The following EPHA6 variants were observed in gnomAD, a reference collection of about 807,000 sequenced individuals.
EPHA6 encodes the protein ephrin type-A receptor 6.
In EPHA6, 50 loss-of-function variants were observed where a neutral mutation model predicts 112.0. That is an observed-to-expected ratio of 0.45 (90% confidence interval 0.36 to 0.56). The LOEUF (loss-of-function observed/expected upper bound fraction) is 0.56, where lower values mean the gene tolerates loss of function less well. EPHA6 is among the 20% of genes least tolerant of loss of function. The pLI is 0.00. For missense variants in EPHA6, 1,280 were observed against 1,417.4 expected (o/e 0.90, Z 1.56); for synonymous variants, 529 against 490.7 (o/e 1.08, Z -1.03).
intron 2 of EPHA6, among the ~76,000 whole-genome samples, chr3:96,938,295 T>C (rs534781447): frequency 1.3e-5 from 2 of 152,260 alleles, no homozygotes; most frequent in Admixed American, 1.3e-4. Flanking sequence ...GAGCAGTGGT[T>C]TCTAGTTCTC....
intron 3 of EPHA6, among the ~76,000 whole-genome samples, chr3:97,189,466 T>C (rs2077244103): frequency 6.6e-6 from 1 of 152,086 alleles, no homozygotes; most frequent in African/African-American, 2.4e-5. Flanking sequence ...TGTATTTTTT[T>C]GTCATTTTCT....
Position 97,043,954 on chromosome 3 carries a change from A to G in EPHA6, c.1114+55961A>G, listed in dbSNP as rs148600058. ...GGAAATCCCAAATATATGCAGAACT[A>G]AAATGTTTAGCAGGGCACTCATGGT... is the stretch of plus-strand genomic sequence containing the variant. On this transcript the variant is annotated intron_variant, in intron 3 of 17. Coordinates refer to ENST00000389672, the MANE Select transcript of EPHA6 (RefSeq NM_001080448.3). 6.5e-3 allele frequency among the ~76,000 whole-genome samples: 990 copies of G among 152,258 alleles called. 8 individuals carry two copies. The highest frequency in any genetic ancestry group is 0.022 in the African/African-American group (896 of 41,562).
At chr3:97,289,708 T>C (rs984009106) in intron 5 of EPHA6, among the ~76,000 whole-genome samples, 3 of 152,166 alleles carry the variant, frequency 2.0e-5, no homozygotes, top group Admixed American at 6.6e-5. Context: ...GGAATCTCTT[T>C]CCATTTGTTT....
At chr3:97,047,195 T>G (rs564897439) in intron 3 of EPHA6, among the ~76,000 whole-genome samples, 1 of 152,066 alleles carries the variant, frequency 6.6e-6, no homozygotes, top group South Asian at 2.1e-4. Context: ...AATAATAAAT[T>G]TCTGTAAGAT....
intron 6 of EPHA6, among the ~76,000 whole-genome samples, chr3:97,414,573 G>T (rs2087978392): frequency 6.6e-6 from 1 of 151,876 alleles, no homozygotes; most frequent in Non-Finnish European, 1.5e-5. Flanking sequence ...TCCCGGCTCT[G>T]CTATTATTAT....
At chr3:97,445,899 A>G (rs1298876585) in intron 6 of EPHA6, among the ~76,000 whole-genome samples, 2 of 152,174 alleles carry the variant, frequency 1.3e-5, no homozygotes, top group Non-Finnish European at 1.5e-5. Flanking sequence ...TTTACGTGTC[A>G]TACAGCTAGC....
intron 13 of EPHA6, among the ~76,000 whole-genome samples, chr3:97,615,775 C>A (rs1401715596): frequency 6.6e-6 from 1 of 152,118 alleles, no homozygotes; most frequent in Non-Finnish European, 1.5e-5. Context: ...CCCAACTGGG[C>A]CCTCCAGCCA....
At chr3:97,441,764 G>A (rs183026360) in intron 6 of EPHA6, among the ~76,000 whole-genome samples, 1 of 152,014 alleles carries the variant, frequency 6.6e-6, no homozygotes, top group Non-Finnish European at 1.5e-5. Context: ...CTAGTATACA[G>A]GAAAACCACT....
chr3:97,467,085 A>T (rs188005001), intron 7 of EPHA6, among the ~76,000 whole-genome samples: 1 of 151,818 alleles, frequency 6.6e-6, no homozygotes, highest in Admixed American at 6.6e-5. Context: ...CTGTATTACA[A>T]CTATGATCTG....
chr3:97,221,308 C>CA (rs57025573), intron 3 of EPHA6, among the ~76,000 whole-genome samples: 1,498 of 16,370 alleles, frequency 0.092, 432 homozygotes, highest in Non-Finnish European at 0.15. Context: ...GACTCTGTCT[C>CA]AAAAAAAAAA....
intron 12 of EPHA6, among the ~76,000 whole-genome samples, chr3:97,595,097 C>A (rs575917983): frequency 6.6e-6 from 1 of 152,272 alleles, no homozygotes; most frequent in Non-Finnish European, 1.5e-5. Context: ...ATAGTACTTA[C>A]TTTTACAGTA....
intron 6 of EPHA6, among the ~76,000 whole-genome samples, chr3:97,437,372 C>A (rs1171126616): frequency 6.6e-6 from 1 of 152,124 alleles, no homozygotes; most frequent in Non-Finnish European, 1.5e-5. Context: ...CCTGCCCCTC[C>A]ATTCTGCCAT....
At chr3:96,860,113 G>A (rs1025267811) in intron 1 of EPHA6, among the ~76,000 whole-genome samples, 1 of 152,026 alleles carries the variant, frequency 6.6e-6, no homozygotes, top group African/African-American at 2.4e-5. Flanking sequence ...CTTAAGAAAT[G>A]TTTGTTGAAA....
chr3:96,959,180 T>C (rs1481855750), intron 2 of EPHA6, among the ~76,000 whole-genome samples: 3 of 152,204 alleles, frequency 2.0e-5, no homozygotes, highest in Admixed American at 2.0e-4. Context: ...GTTTATTGTC[T>C]GGTGTTTGTT....
Position 97,753,906 on chromosome 3 carries a change from T to C in EPHA6, c.*5205T>C, listed in dbSNP as rs990472246. On this transcript the variant is annotated 3_prime_UTR_variant, in exon 18 of 18. Transcript: ENST00000389672. ...ATTTCTCAGGATAAAAATTAACTTT[T>C]TTTGTTATAAGTGGATGTGGCATAA... Among the ~76,000 whole-genome samples, 3 of 152,062 alleles carry C rather than the reference T, an allele frequency of 2.0e-5. No individual in the cohort carries two copies. The highest frequency in any genetic ancestry group is 4.4e-5 in the Non-Finnish European group (3 of 67,996).
rs570719070 is a variant in EPHA6 at position 97,257,980 on chromosome 3, G to T, written c.1606+13693G>T. Among the ~76,000 whole-genome samples the T allele has an allele frequency of 3.3e-5, 5 of 152,074 alleles. No individual in the cohort carries two copies. In the South Asian group the frequency reaches 8.3e-4, roughly 25 times the overall value. On this transcript the variant is annotated intron_variant, in intron 5 of 17. Transcript: ENST00000389672. ...TGAAATGTTACCAATGTTTTTCTCT[G>T]TGTGGTGTGTTTATAGTTGATTATT...
At chr3:97,399,310 G>A (rs182610370) in intron 5 of EPHA6, among the ~76,000 whole-genome samples, 2 of 151,578 alleles carry the variant, frequency 1.3e-5, no homozygotes, top group East Asian at 3.9e-4. Flanking sequence ...ATTCCATTGT[G>A]TGTGTTACAT....
chr3:97,410,549 A>T (rs919672917), intron 6 of EPHA6, among the ~76,000 whole-genome samples: 1 of 152,068 alleles, frequency 6.6e-6, no homozygotes, highest in Non-Finnish European at 1.5e-5. Flanking sequence ...TCTAATTCAT[A>T]CATTTGTAAA....
At chr3:97,600,706 C>G (rs966187275) in intron 12 of EPHA6, among the ~76,000 whole-genome samples, 14 of 151,538 alleles carry the variant, frequency 9.2e-5, no homozygotes, top group African/African-American at 3.2e-4. Context: ...AGTTTGCACA[C>G]AAAGAACCCC....
Sources: gnomAD v4.1 joint callset for allele counts (sites outside exome capture counted in the v4.1 genomes callset) on GRCh38, gnomAD v4.1.1 for gene constraint, MANE v1.5 for transcripts, NCBI Gene and HGNC (gene_info 2026-07-23, HGNC 2026-07-21) for gene names.